Variants in PHF20 observed in about 807,000 individuals in gnomAD.
PHF20 encodes the protein glioma-expressed antigen 2.
PHF20 carries 23 observed loss-of-function variants against 113.5 expected under a neutral mutation model. The observed-to-expected ratio is 0.20, with a 90% confidence interval of 0.15 to 0.29. The LOEUF (loss-of-function observed/expected upper bound fraction) is 0.29, where lower values mean the gene tolerates loss of function less well. Among genes scored for constraint, PHF20 ranks in the 10% least tolerant of loss-of-function variants. The probability of loss-of-function intolerance (pLI) is 1.00; values close to 1 mark genes in which losing one functional copy is unlikely to be tolerated. For missense variants in PHF20, 943 were observed against 1,219.6 expected (o/e 0.77, Z 3.38); for synonymous variants, 434 against 457.3 (o/e 0.95, Z 0.65).
At chr20:35,851,879 T>C (rs1470022415) in intron 4 of PHF20, among the ~76,000 whole-genome samples, 1 of 151,050 alleles carries the variant, frequency 6.6e-6, no homozygotes, top group Non-Finnish European at 1.5e-5. Flanking sequence ...TGCACCATAC[T>C]GCACTCTAGC....
At chr20:35,865,611 T>C (rs1266894135) in intron 6 of PHF20, among the ~76,000 whole-genome samples, 1 of 148,570 alleles carries the variant, frequency 6.7e-6, no homozygotes, top group African/African-American at 2.5e-5. Flanking sequence ...CAAGCGATGC[T>C]CCTATCTCAG....
At chr20:35,835,542 T>C (rs1251298236) in intron 2 of PHF20, among the ~76,000 whole-genome samples, 3 of 152,214 alleles carry the variant, frequency 2.0e-5, no homozygotes, top group African/African-American at 7.2e-5. Flanking sequence ...AAGTAGAGAC[T>C]TATTAAATGA....
At chr20:35,803,036 G>A (rs1280786647) in intron 2 of PHF20, among the ~76,000 whole-genome samples, 1 of 150,712 alleles carries the variant, frequency 6.6e-6, no homozygotes, top group Admixed American at 6.6e-5. Context: ...GGCGGATCAC[G>A]AGGTCAGGAG....
intron 1 of PHF20, among the ~76,000 whole-genome samples, chr20:35,785,798 C>G (rs565214928): frequency 6.6e-6 from 1 of 151,578 alleles, no homozygotes; most frequent in East Asian, 2.0e-4. Context: ...TGTGGTGGCT[C>G]ACGCTTGTAA....
At chr20:35,923,642 A>T (rs1407881615) in intron 13 of PHF20, among the ~76,000 whole-genome samples, 1 of 152,216 alleles carries the variant, frequency 6.6e-6, no homozygotes, top group African/African-American at 2.4e-5. Flanking sequence ...AGTTTCTTGT[A>T]TATCCTTCCA....
intron 9 of PHF20, among the ~76,000 whole-genome samples, chr20:35,876,697 G>A (rs147678941): frequency 5.3e-5 from 8 of 151,490 alleles, no homozygotes; most frequent in African/African-American, 1.2e-4. Context: ...CAGGCTGGGC[G>A]TGGTGGCTCA....
chr20:35,794,161 C>G (rs1376357270), intron 1 of PHF20, among the ~76,000 whole-genome samples: 1 of 151,576 alleles, frequency 6.6e-6, no homozygotes, highest in Non-Finnish European at 1.5e-5. Context: ...ATTAGCCAGG[C>G]GTGGTGGCAC....
chr20:35,794,611 T>C (rs1444528885), intron 1 of PHF20, among the ~76,000 whole-genome samples: 1 of 152,194 alleles, frequency 6.6e-6, no homozygotes, highest in Non-Finnish European at 1.5e-5. Context: ...CCAAAGCCTG[T>C]TCTGTAGTTT....
intron 4 of PHF20, among the ~76,000 whole-genome samples, chr20:35,850,504 G>A (rs1414239945): frequency 6.9e-6 from 1 of 144,562 alleles, no homozygotes; most frequent in African/African-American, 2.5e-5. Flanking sequence ...TATTTTTAAG[G>A]TTTCAAATGT....
At chr20:35,853,567 C>G (rs572538452) in intron 4 of PHF20, among the ~76,000 whole-genome samples, 4 of 152,060 alleles carry the variant, frequency 2.6e-5, no homozygotes, top group African/African-American at 4.8e-5. Context: ...AACATAGACC[C>G]CAATGCCCCG....
At chr20:35,878,462 C>T in intron 9 of PHF20, 1 of 553,384 alleles carries the variant, frequency 1.8e-6, no homozygotes, top group Non-Finnish European at 3.2e-6. Context: ...ACTATGTCGA[C>T]AAACACAGAT....
At chr20:35,848,013 C>T (rs544180680) in intron 4 of PHF20, among the ~76,000 whole-genome samples, 5 of 152,180 alleles carry the variant, frequency 3.3e-5, no homozygotes, top group East Asian at 1.9e-4. Context: ...ATAATATGTA[C>T]GGTCAGGATC....
intron 9 of PHF20, among the ~76,000 whole-genome samples, chr20:35,888,727 T>C (rs6060660): frequency 0.25 from 37,911 of 151,666 alleles, 5,543 homozygotes; most frequent in African/African-American, 0.41. Context: ...GAGATCAGCC[T>C]TGGGCAACAT....
chr20:35,830,035 T>C (rs924851966), intron 2 of PHF20, among the ~76,000 whole-genome samples: 2 of 152,174 alleles, frequency 1.3e-5, no homozygotes, highest in African/African-American at 4.8e-5. Context: ...TGCCTCAGCC[T>C]CCCAAGTAGC....
chr20:35,799,472 A>T (rs1451505695), intron 1 of PHF20, among the ~76,000 whole-genome samples: 7 of 151,844 alleles, frequency 4.6e-5, no homozygotes, highest in Admixed American at 2.6e-4. Context: ...TCTAAAAAAA[A>T]TTTTAAAAAG....
chr20:35,823,029 G>A (rs1047513970), intron 2 of PHF20, among the ~76,000 whole-genome samples: 2 of 151,798 alleles, frequency 1.3e-5, no homozygotes, highest in East Asian at 3.9e-4. Flanking sequence ...TTTGCTGCTG[G>A]TGTTGTATTG....
intron 9 of PHF20, among the ~76,000 whole-genome samples, chr20:35,879,215 A>C (rs991015544): frequency 1.3e-5 from 2 of 152,158 alleles, no homozygotes; most frequent in Admixed American, 1.3e-4. Flanking sequence ...ATAACTTGTA[A>C]AGCTTCCCAC....
At chr20:35,855,093 C>A in intron 4 of PHF20, 1 of 201,610 alleles carries the variant, frequency 5.0e-6, no homozygotes, top group Non-Finnish European at 1.1e-5. Context: ...TGTTGGCACA[C>A]ATAATATTTA....
intron 2 of PHF20, among the ~76,000 whole-genome samples, chr20:35,815,731 C>T (rs113590908): frequency 0.048 from 7,284 of 152,020 alleles, 215 homozygotes; most frequent in African/African-American, 0.089. Flanking sequence ...TCCCAAAGTG[C>T]TGGGATTACA....
Sources: gnomAD v4.1 joint callset for allele counts (sites outside exome capture counted in the v4.1 genomes callset) on GRCh38, gnomAD v4.1.1 for gene constraint, MANE v1.5 for transcripts, NCBI Gene and HGNC (gene_info 2026-07-23, HGNC 2026-07-21) for gene names.